Variants in C13orf46 observed in about 807,000 individuals in gnomAD.
C13orf46 encodes the protein chromosome 13 open reading frame 46.
the C13orf46 span, chr13:113,927,216 G>A: frequency 3.9e-6 from 1 of 256,742 alleles, no homozygotes; most frequent in Non-Finnish European, 7.4e-6. Context: ...GCAGTCCCTT[G>A]AGTGGAGCCC....
At chr13:113,960,316 C>T (rs1297114733) in intron 6 of C13orf46, among the ~76,000 whole-genome samples, 11 of 152,254 alleles carry the variant, frequency 7.2e-5, no homozygotes, top group Admixed American at 6.5e-5. Flanking sequence ...AGATTGGTCC[C>T]CTATGTCACC....
the C13orf46 span, among the ~76,000 whole-genome samples, chr13:113,942,744 G>A: frequency 0.02 from 3,019 of 152,316 alleles, 55 homozygotes; most frequent in Middle Eastern, 0.037. Context: ...CCCTGGGCCA[G>A]CGGGCTCCAG....
the C13orf46 span, among the ~76,000 whole-genome samples, chr13:113,934,548 C>G: frequency 1.6e-3 from 243 of 152,300 alleles, 1 homozygote; most frequent in East Asian, 0.043. Context: ...ACTTTCCAAC[C>G]AAGGTGCCAA....
chr13:113,959,500 A>C (rs1212547312), intron 6 of C13orf46, among the ~76,000 whole-genome samples: 11 of 152,344 alleles, frequency 7.2e-5, no homozygotes, highest in African/African-American at 2.6e-4. Context: ...GTGAAACAAC[A>C]GGCACTGGAC....
rs2052509668 is a variant in C13orf46, at chr13:113,954,921, C to CTGGCGGAGACGAGGAGGAGG, written c.*1851_*1852insCCTCCTCCTCGTCTCCGCCA. On this transcript the variant is annotated 3_prime_UTR_variant, in exon 7 of 7. Coordinates refer to ENST00000636427, the MANE Select transcript of C13orf46 (RefSeq NM_001365455.2). ...AGCATCTGGCGGAGACGAGGAGGAG[C>CTGGCGGAGACGAGGAGGAGG]ATCTGGCGGAGACGAGGAGGAGGAT... 1.3e-5 allele frequency: 2 copies of CTGGCGGAGACGAGGAGGAGG among 158,152 alleles called. No individual in the cohort carries two copies. The highest frequency in any genetic ancestry group is 2.5e-5 in the Non-Finnish European group (2 of 78,440). 9.8% of individuals were successfully genotyped at this position (158,152 alleles called of 1,614,324 possible). A position where few individuals can be genotyped will look rare whatever the true frequency, so the allele number is the denominator to read the frequency against.
intron 5 of C13orf46, among the ~76,000 whole-genome samples, chr13:113,967,058 A>G (rs907886491): frequency 1.3e-5 from 2 of 152,148 alleles, no homozygotes; most frequent in Admixed American, 1.3e-4. Flanking sequence ...AGAGGTTCTG[A>G]GGACCCATGG....
the C13orf46 span, among the ~76,000 whole-genome samples, chr13:113,940,494 C>T: frequency 6.4e-4 from 84 of 131,906 alleles, no homozygotes; most frequent in Middle Eastern, 0.013. Context: ...GCATTCGAGA[C>T]CCTGGTCTCT....
the C13orf46 span, among the ~76,000 whole-genome samples, chr13:113,930,128 C>T: frequency 6.6e-6 from 1 of 152,230 alleles, no homozygotes; most frequent in Non-Finnish European, 1.5e-5. Context: ...AGCCTTGGGT[C>T]TGCACGAGGC....
chr13:113,930,426 G>A, the C13orf46 span, among the ~76,000 whole-genome samples: 4 of 137,336 alleles, frequency 2.9e-5, no homozygotes, highest in Admixed American at 2.1e-4. Flanking sequence ...ACCGAGGCGG[G>A]GGCGCGGGAG....
In C13orf46 at chr13:113,954,741, G is replaced by C. The variant is rs2052506819; in HGVS notation, c.*2032C>G. On this transcript the variant is annotated 3_prime_UTR_variant, in exon 7 of 7. Coordinates refer to ENST00000636427, the MANE Select transcript of C13orf46 (RefSeq NM_001365455.2). Reference sequence around the variant, plus strand: ...CTCTGTCCCCACCCAACAAGCCACTGAGCAAGAGGCCAGGGCAGGAAGGGG... The same window carrying C: ...CTCTGTCCCCACCCAACAAGCCACTCAGCAAGAGGCCAGGGCAGGAAGGGG... The C allele has an allele frequency of 5.6e-6, 1 of 179,236 alleles. No individual in the cohort carries two copies. The highest frequency in any genetic ancestry group is 6.1e-5 in the Admixed American group (1 of 16,486). The allele number at this position is 179,236 out of a possible 1,614,324, so 11.1% of individuals were successfully genotyped here.
At chr13:113,946,816 G>A in the C13orf46 span, among the ~76,000 whole-genome samples, 8 of 152,262 alleles carry the variant, frequency 5.3e-5, no homozygotes, top group Non-Finnish European at 8.8e-5. Flanking sequence ...ACCTGCGCCC[G>A]GCAGCTCTCT....
chr13:113,951,798 C>CTCCACGTAGA (rs1304146259), downstream of C13orf46, among the ~76,000 whole-genome samples: 2 of 152,232 alleles, frequency 1.3e-5, no homozygotes, highest in Non-Finnish European at 2.9e-5. Flanking sequence ...GTGCTGAACT[C>CTCCACGTAGA]GACTGTCTAC....
intron 6 of C13orf46, among the ~76,000 whole-genome samples, chr13:113,957,912 T>TGG (rs1300345110): frequency 6.1e-5 from 7 of 115,452 alleles, no homozygotes; most frequent in African/African-American, 1.0e-4. Context: ...TCAAGCACAC[T>TGG]GGGGTCTCCC....
the C13orf46 span, among the ~76,000 whole-genome samples, chr13:113,939,740 C>T: frequency 1.3e-5 from 2 of 152,204 alleles, no homozygotes; most frequent in East Asian, 1.9e-4. Flanking sequence ...ACCTCCTGTG[C>T]GCTGTGTATC....
rs2052526464 is a variant in C13orf46, at chr13:113,955,913, GGAGGAGCATCTCGCGGAGAC to G, written c.*840_*859del. 2 of 151,438 alleles carry G rather than the reference GGAGGAGCATCTCGCGGAGAC, an allele frequency of 1.3e-5. No homozygotes were observed. Among genetic ancestry groups the G allele is most frequent in the African/African-American group, 2.6e-5 (1 of 38,000 alleles). 9.4% of individuals were successfully genotyped at this position (151,438 alleles called of 1,614,324 possible). A position where few individuals can be genotyped will look rare whatever the true frequency, so the allele number is the denominator to read the frequency against. ...GGAGAGGAGGAGCATCTCGCAGAGA[GGAGGAGCATCTCGCGGAGAC>G]GAGGAGCATCTGGCGGAGACGAGGA... On this transcript the variant is annotated 3_prime_UTR_variant, in exon 7 of 7. Coordinates refer to ENST00000636427, the MANE Select transcript of C13orf46 (RefSeq NM_001365455.2).
the C13orf46 span, among the ~76,000 whole-genome samples, chr13:113,945,759 A>G: frequency 6.6e-6 from 1 of 152,186 alleles, no homozygotes; most frequent in Non-Finnish European, 1.5e-5. Context: ...AATGTAGCTC[A>G]TTTTGTTCCT....
chr13:113,936,274 A>G, the C13orf46 span, among the ~76,000 whole-genome samples: 1 of 152,208 alleles, frequency 6.6e-6, no homozygotes, highest in African/African-American at 2.4e-5. Context: ...TTGATAGAAC[A>G]TTCATCCAAG....
chr13:113,953,905 G>C lies in C13orf46; in HGVS notation c.*2868C>G, dbSNP rs1353823075. ...CAGCCTGTCCAGGACAGCCCGTCCA[G>C]GGCCCATTTCCGGTTGTCTGGGAAA... On this transcript the variant is annotated 3_prime_UTR_variant, in exon 7 of 7. Transcript: ENST00000636427. 6.6e-6 allele frequency: 1 copy of C among 152,288 alleles called. No individual in the cohort carries two copies. 9.4% of individuals were successfully genotyped at this position (152,288 alleles called of 1,614,324 possible).
chr13:113,933,786 A>C, the C13orf46 span, among the ~76,000 whole-genome samples: 3 of 152,228 alleles, frequency 2.0e-5, no homozygotes, highest in African/African-American at 2.4e-5. Flanking sequence ...AATAGTACAG[A>C]GGGGTCCCAC....
Sources: gnomAD v4.1 joint callset for allele counts (sites outside exome capture counted in the v4.1 genomes callset) on GRCh38, gnomAD v4.1.1 for gene constraint, MANE v1.5 for transcripts, NCBI Gene and HGNC (gene_info 2026-07-23, HGNC 2026-07-21) for gene names.